Variants in TTN observed in about 807,000 individuals in gnomAD.
TTN encodes the protein titin, also known as connectin.
In TTN, 1,525 loss-of-function variants were observed where a neutral mutation model predicts 3,223.0. The ratio of observed to expected loss-of-function variants is 0.47; its 90% confidence interval spans 0.45 to 0.49. The LOEUF (loss-of-function observed/expected upper bound fraction) is 0.49. TTN is among the 20% of genes least tolerant of loss of function. The pLI, the probability that TTN is intolerant of heterozygous loss-of-function variation, is 0.00. For missense variants in TTN, 40,786 were observed against 43,424.0 expected, an observed-to-expected ratio of 0.94 and a Z score of 5.40; for synonymous variants, 14,094 against 15,161.0, an observed-to-expected ratio of 0.93 and a Z score of 5.17.
rs1347100360 is a variant in TTN at position 178,592,165 on chromosome 2, C to T, written c.59739G>A (p.Val19913=). 6.2e-7 allele frequency: 1 copy of T among 1,612,810 alleles called. No individual in the cohort carries two copies. Among genetic ancestry groups the T allele is most frequent in the African/African-American group, 1.3e-5 (1 of 74,962 alleles). ...CGCTGGCAACATCTCTCCTCTCAAC[C>T]ACATAATTGGTAATAACAGAACCAC... The part of the protein sequence containing the change: ...DDGGSVITNY[V]VERRDVASAQ... Residue 19913 remains valine, a synonymous_variant, in exon 302 of 363, where the codon GTG becomes GTA. Transcript: ENST00000589042.
At position 178,598,066 on chromosome 2, in the gene TTN, G is replaced by A. The variant is rs1559653551; in HGVS notation, c.57112-8C>T. On this transcript the variant is annotated splice_region_variant and splice_polypyrimidine_tract_variant and intron_variant, in intron 292 of 362. Coordinates refer to ENST00000589042, the MANE Select transcript of TTN (RefSeq NM_001267550.2). ...CACTTCTTTATCTTTACCCTGGGGAGAAATCATAGACATTTTATAATTAGA... is the reference window on the plus strand; with the variant it reads ...CACTTCTTTATCTTTACCCTGGGGAAAAATCATAGACATTTTATAATTAGA... The A allele has an allele frequency of 6.2e-7, 1 of 1,608,996 alleles. No individual in the cohort carries two copies. Among genetic ancestry groups the A allele is most frequent in the South Asian group, 1.1e-5 (1 of 90,206 alleles).
chr2:178,789,323 T>C (rs367722990), intron 13 of TTN, 37 bp downstream of exon 13: 47 of 1,611,562 alleles, frequency 2.9e-5, no homozygotes, highest in Non-Finnish European at 3.8e-5. Context: ...TAATGTATTA[T>C]AATAGGGGAT....
At chr2:178,651,584 G>A (rs780604237) in intron 206 of TTN, 48 bp from the exon 207 acceptor site, 2 of 1,610,452 alleles carry the variant, frequency 1.2e-6, no homozygotes, top group Non-Finnish European at 1.7e-6. Flanking sequence ...TCAATGAAAT[G>A]TGAAAATCAT....
Position 178,569,700 on chromosome 2 carries a change from T to C in TTN, c.76432A>G (p.Asn25478Asp), listed in dbSNP as rs752247447. ...VEKLLEKHEY[N>D]FRICAINKAG... ...TTATTAATAGCACAGATACGGAAGT[T>C]GTATTCATGCTTTTCCAACAGCTTC... Residue 25478 changes from asparagine to aspartate, a missense_variant, in exon 326 of 363, where the codon AAC (asparagine) becomes GAC (aspartate). Physicochemically the swap from Asn to Asp is conservative, Grantham distance 23 (BLOSUM62 1). Coordinates refer to ENST00000589042, the MANE Select transcript of TTN (RefSeq NM_001267550.2). The C allele has an allele frequency of 1.2e-6, 2 of 1,613,110 alleles. No homozygotes were observed. Among genetic ancestry groups the C allele is most frequent in the South Asian group, 2.2e-5 (2 of 91,044 alleles).
Position 178,789,434 on chromosome 2 carries a change from C to G in TTN, c.2002G>C (p.Glu668Gln). 1.2e-6 allele frequency: 2 copies of G among 1,613,518 alleles called. No individual in the cohort carries two copies. The highest frequency in any genetic ancestry group is 1.7e-6 in the Non-Finnish European group (2 of 1,179,594). ...CTAGTTCTCAGTATTGTTTCTTGTT[C>G]TTTGGCTTTAGCAGTAGCAACTGCT... ...TIAVATAKAK[E>Q]QETILRTRET... Residue 668 changes from glutamate (E) to glutamine (Q), a missense_variant, in exon 13 of 363, where the codon GAA becomes CAA. Glu to Gln is a conservative substitution (Grantham distance 29). Transcript: ENST00000589042.
rs1393457903 is a variant in TTN at position 178,735,096 on chromosome 2, T to C, written c.14936-108A>G. 2.7e-5 allele frequency: 34 copies of C among 1,251,850 alleles called. No individual in the cohort carries two copies. In the Admixed American group the frequency reaches 9.8e-4, roughly 36 times the overall value. 77.5% of individuals were successfully genotyped at this position (1,251,850 alleles called of 1,614,324 possible). Reference sequence around the variant, plus strand: ...AGAGACCCAACACACATAAAATATCTCCACAAAATTTCTGTAAAAGCTGTG... The same window carrying C: ...AGAGACCCAACACACATAAAATATCCCCACAAAATTTCTGTAAAAGCTGTG... On this transcript the variant is annotated intron_variant, in intron 50 of 362. Transcript: ENST00000589042.
intron 236 of TTN, among the ~76,000 whole-genome samples, 162 bp downstream of exon 236, chr2:178,631,985 A>C (rs1190905230): frequency 6.6e-6 from 1 of 152,100 alleles, no homozygotes; most frequent in Admixed American, 6.6e-5. Context: ...TAATGAAGGT[A>C]AAGTGTTTTA....
chr2:178,601,392 G>GC lies in TTN; in HGVS notation c.55604dup (p.Ser18535ArgfsTer8). The GC allele has an allele frequency of 6.2e-7, 1 of 1,612,778 alleles. No homozygotes were observed. Among genetic ancestry groups the GC allele is most frequent in the Non-Finnish European group, 8.5e-7 (1 of 1,179,310 alleles). On this transcript the variant is annotated frameshift_variant, in exon 287 of 363. Coordinates refer to ENST00000589042, the MANE Select transcript of TTN (RefSeq NM_001267550.2). LOFTEE classifies it high-confidence loss of function. ...GGAGATCAGGCACTACAAATGTGGT[G>GC]CTTCCACAGTCTGGATTGACTTTGG...
rs2154169665 is a variant in TTN at position 178,571,873 on chromosome 2, AT to A, written c.74258del (p.Asn24753MetfsTer4). 6.2e-7 allele frequency: 1 copy of A among 1,613,460 alleles called. No individual in the cohort carries two copies. Among genetic ancestry groups the A allele is most frequent in the Non-Finnish European group, 8.5e-7 (1 of 1,179,590 alleles). Reference protein sequence around the residue: ...PTPAVTWHKDNVPLKQTTRVN... With the variant: ...PTPAVTWHKDXVPLKQTTRVN... The stretch of plus-strand genomic sequence containing the variant: ...CTCTAGTTGTCTGCTTCAGTGGTAC[AT>A]TATCTTTATGCCAGGTTACAGCTGG... On this transcript the variant is annotated frameshift_variant, in exon 326 of 363. Transcript: ENST00000589042. LOFTEE classifies it high-confidence loss of function.
rs777737709 is a variant in TTN at position 178,612,261 on chromosome 2, A to C, written c.50248+16T>G. 32 of 1,609,032 alleles carry C rather than the reference A, an allele frequency of 2.0e-5. No individual in the cohort carries two copies. The highest frequency in any genetic ancestry group is 2.7e-5 in the Non-Finnish European group (32 of 1,178,384). On this transcript the variant is annotated intron_variant, in intron 266 of 362. Transcript: ENST00000589042. ...GAGAGCACTTATTGTCACAAAGATTAAGTGCAAGAGCATACTAAAGGTGTC... is the reference window on the plus strand; with the variant it reads ...GAGAGCACTTATTGTCACAAAGATTCAGTGCAAGAGCATACTAAAGGTGTC...
Position 178,741,736 on chromosome 2 carries a change from T to C in TTN, c.11497A>G (p.Met3833Val). 1 of 1,613,708 alleles carries C rather than the reference T, an allele frequency of 6.2e-7. No homozygotes were observed. Among genetic ancestry groups the C allele is most frequent in the South Asian group, 1.1e-5 (1 of 91,074 alleles). ...ACAGACAGTGTAGCCACATCCCCCA[T>C]GCTTATATCAGCATTTGACACTTCT... The part of the protein sequence containing the change: ...IKEVSNADIS[M>V]GDVATLSVTV... Residue 3833 changes from methionine (M) to valine (V), a missense_variant, in exon 48 of 363, where the codon ATG (methionine) becomes GTG (valine). Met to Val is a conservative substitution (Grantham distance 21). Transcript: ENST00000589042.
chr2:178,783,030 G>T lies in TTN; in HGVS notation c.2876C>A (p.Ser959Tyr). The T allele has an allele frequency of 6.2e-7, 1 of 1,614,048 alleles. No individual in the cohort carries two copies. The highest frequency in any genetic ancestry group is 8.5e-7 in the Non-Finnish European group (1 of 1,179,936). The change falls in exon 18 of 363, where the codon TCT becomes TAT. Residue 959 changes from serine (S) to tyrosine (Y), a missense_variant. By Grantham distance (144) the Ser-to-Tyr change is moderately radical. Transcript: ENST00000589042. The part of the protein sequence containing the change: ...LKNVTVIEGE[S>Y]VTLECHISGY... The stretch of plus-strand genomic sequence containing the variant: ...AGAGATGTGGCACTCCAAGGTGACA[G>T]ATTCACCTTCTATGACAGTCACATT...
chr2:178,791,795 A>G (rs1014303289), intron 10 of TTN, among the ~76,000 whole-genome samples: 8 of 151,996 alleles, frequency 5.3e-5, no homozygotes, highest in Admixed American at 6.6e-5. Flanking sequence ...GACTGGCATG[A>G]TATCTATCAT....
intron 155 of TTN, 43 bp downstream of exon 155, chr2:178,671,928 A>G: frequency 6.4e-7 from 1 of 1,565,568 alleles, no homozygotes. Context: ...GGAAAGTTAG[A>G]GCAAGATATA....
Position 178,622,722 on chromosome 2 carries a change from C to G in TTN, c.44861G>C (p.Arg14954Thr). ...FLRPLTDLQVREKEMARFECE... is the reference protein window; with the variant it reads ...FLRPLTDLQVTEKEMARFECE... ...CTCAAATCGAGCCATTTCTTTTTCT[C>G]TAACTTGAAGGTCGGTGAGTGGTCT... Residue 14954 changes from arginine (R) to threonine (T), a missense_variant, in exon 243 of 363, where the codon AGA becomes ACA. Transcript: ENST00000589042. 6.2e-7 allele frequency: 1 copy of G among 1,606,842 alleles called. No individual in the cohort carries two copies. Among genetic ancestry groups the G allele is most frequent in the Non-Finnish European group, 8.5e-7 (1 of 1,176,596 alleles).
intron 311 of TTN, 143 bp from the exon 312 acceptor site, chr2:178,584,049 G>A: frequency 1.2e-5 from 13 of 1,068,500 alleles, no homozygotes; most frequent in Non-Finnish European, 1.7e-5. Flanking sequence ...CAACTAGTAT[G>A]CACTTTTGAG....
chr2:178,579,236 A>T lies in TTN; in HGVS notation c.67794T>A (p.Ser22598Arg), dbSNP rs960274505. 6.2e-7 allele frequency: 1 copy of T among 1,613,372 alleles called. No homozygotes were observed. The highest frequency in any genetic ancestry group is 1.1e-5 in the South Asian group (1 of 91,074). ...EDPLATDTRV[S>R]VESSAVNTTL... is the part of the protein sequence containing the mutation. ...TTGTGTTAACCGCAGATGACTCAACACTGACTCTAGTGTCAGTTGCTAGAG... is the reference window on the plus strand; with the variant it reads ...TTGTGTTAACCGCAGATGACTCAACTCTGACTCTAGTGTCAGTTGCTAGAG... The change falls in exon 320 of 363, where the codon AGT (serine) becomes AGA (arginine). Residue 22598 changes from serine (S) to arginine (R), a missense_variant. Ser to Arg is a moderately radical substitution (Grantham distance 110, BLOSUM62 -1). Transcript: ENST00000589042.
At position 178,719,734 on chromosome 2, in the gene TTN, C is replaced by T. The variant is rs774246101; in HGVS notation, c.23758G>A (p.Ala7920Thr). 6.2e-7 allele frequency: 1 copy of T among 1,613,668 alleles called. No homozygotes were observed. Among genetic ancestry groups the T allele is most frequent in the Non-Finnish European group, 8.5e-7 (1 of 1,179,686 alleles). ...TCTCTTCCATCTTTGAACCACTTGG[C>T]TGAGAGTTCTGGTGTTCCAGTCACT... is the stretch of plus-strand genomic sequence containing the variant. ...CVVTGTPELS[A>T]KWFKDGRELS... is the part of the protein sequence containing the mutation. The change falls in exon 82 of 363, where the codon GCC (alanine) becomes ACC (threonine). Residue 7920 changes from alanine to threonine, a missense_variant. Transcript: ENST00000589042.
Position 178,553,929 on chromosome 2 carries a change from C to A in TTN, c.89182G>T (p.Ala29728Ser). 6.3e-7 allele frequency: 1 copy of A among 1,599,910 alleles called. No homozygotes were observed. Among genetic ancestry groups the A allele is most frequent in the Non-Finnish European group, 8.5e-7 (1 of 1,175,024 alleles). ...GAGCACTTACCAATAGGATCAGCAGCTTTGTAGAATTCAGATGGTTCAGAA... is the reference window on the plus strand; with the variant it reads ...GAGCACTTACCAATAGGATCAGCAGATTTGTAGAATTCAGATGGTTCAGAA... ...PFSEPSEFYK[A>S]ADPIDPPGPP... Residue 29728 changes from alanine to serine, a missense_variant, in exon 333 of 363, where the codon GCT becomes TCT. By Grantham distance (99) the Ala-to-Ser change is moderately conservative. Coordinates refer to ENST00000589042, the MANE Select transcript of TTN (RefSeq NM_001267550.2).
Sources: gnomAD v4.1 joint callset for allele counts (sites outside exome capture counted in the v4.1 genomes callset) on GRCh38, gnomAD v4.1.1 for gene constraint, MANE v1.5 for transcripts, NCBI Gene and HGNC (gene_info 2026-07-23, HGNC 2026-07-21) for gene names.